Variants in SGO1 observed in about 807,000 individuals in gnomAD.
The protein encoded by SGO1 is serologically defined breast cancer antigen NY-BR-85.
Under a neutral mutation model 50.5 loss-of-function variants are expected in SGO1, and 39 were observed. The observed-to-expected ratio is 0.77, with a 90% CI of 0.60 to 1.01. SGO1 has a LOEUF of 1.01. Ranked by LOEUF, SGO1 falls within the 50% of genes least tolerant of loss-of-function variation. The probability of loss-of-function intolerance (pLI) is 0.00; values close to 1 mark genes in which losing one functional copy is unlikely to be tolerated. For synonymous variants in SGO1, 191 were observed against 205.1 expected (o/e 0.93, Z 0.59); for missense variants, 638 against 606.0 (o/e 1.05, Z -0.55).
downstream of SGO1, among the ~76,000 whole-genome samples, chr3:20,164,644 C>T (rs900777005): frequency 2.6e-5 from 4 of 151,756 alleles, no homozygotes; most frequent in Non-Finnish European, 5.9e-5. Flanking sequence ...TCTTTACGTG[C>T]AGACTTTAAT....
In SGO1 at chr3:20,184,463, G is replaced by T. The variant is rs549582333; in HGVS notation, c.-7-429C>A. Among the ~76,000 whole-genome samples, 6 of 152,220 alleles carry T rather than the reference G, an allele frequency of 3.9e-5. No homozygotes were observed. The South Asian group carries it at 1.2e-3, about 32-fold the overall frequency. ...TTAGTTCTGAGGCAATTATATATTT[G>T]GGTTTTGTTTTCCAGCTCTTCTCTA... is the stretch of plus-strand genomic sequence containing the variant. On this transcript the variant is annotated intron_variant, in intron 1 of 7. Coordinates refer to ENST00000412997, the MANE Select transcript of SGO1 (RefSeq NM_001199251.3).
intron 3 of SGO1, among the ~76,000 whole-genome samples, chr3:20,181,590 G>A (rs925845041): frequency 1.3e-5 from 2 of 152,204 alleles, no homozygotes; most frequent in East Asian, 3.8e-4. Flanking sequence ...TTGAGCTGCA[G>A]TAATAGAATT....
At position 20,171,120 on chromosome 3, in the gene SGO1, A is replaced by C. The variant is rs772628600; in HGVS notation, c.1395T>G (p.Asn465Lys). ...IRRLSLSPKK[N>K]KASPAVALPK... ...GCAGAGCCACTGCTGGGCTTGCTTTATTCTTTTTTGGAGAAAGAGAAAGTC... is the reference window on the plus strand; with the variant it reads ...GCAGAGCCACTGCTGGGCTTGCTTTCTTCTTTTTTGGAGAAAGAGAAAGTC... The change falls in exon 7 of 8, where the codon AAT becomes AAG. Residue 465 changes from asparagine (N) to lysine (K), a missense_variant. Physicochemically the swap from Asn to Lys is moderately conservative, Grantham distance 94. Coordinates refer to ENST00000412997, the MANE Select transcript of SGO1 (RefSeq NM_001199251.3). The C allele has an allele frequency of 6.2e-7, 1 of 1,613,494 alleles. No homozygotes were observed. The highest frequency in any genetic ancestry group is 8.5e-7 in the Non-Finnish European group (1 of 1,179,838).
At chr3:20,165,635 C>G (rs187702378), downstream of SGO1, among the ~76,000 whole-genome samples, 431 of 152,236 alleles carry the variant, frequency 2.8e-3, 1 homozygote, top group African/African-American at 9.8e-3. Flanking sequence ...TCAACAGGTG[C>G]AATTTGTTTC....
chr3:20,165,539 CTT>C, downstream of SGO1, among the ~76,000 whole-genome samples: 1 of 152,146 alleles, frequency 6.6e-6, no homozygotes, highest in East Asian at 1.9e-4. Flanking sequence ...ACATGTAAGA[CTT>C]ATAATTATTA....
downstream of SGO1, chr3:20,169,435 G>A (rs1454348635): frequency 2.0e-6 from 2 of 984,420 alleles, no homozygotes; most frequent in South Asian, 9.4e-5. Context: ...AGTGAAGACA[G>A]AGAGATACTC....
Position 20,171,047 on chromosome 3 carries a change from C to T in SGO1, c.1468G>A (p.Ala490Thr), listed in dbSNP as rs753308621. 1.2e-5 allele frequency: 19 copies of T among 1,580,860 alleles called. No individual in the cohort carries two copies. Among genetic ancestry groups the T allele is most frequent in the South Asian group, 4.7e-5 (4 of 85,266 alleles). Residue 490 changes from alanine to threonine, a missense_variant, in exon 7 of 8, where the codon GCT (alanine) becomes ACT (threonine). Coordinates refer to ENST00000412997, the MANE Select transcript of SGO1 (RefSeq NM_001199251.3). ...ASVNYKEPTL[A>T]SKLRRGDPFT... The stretch of plus-strand genomic sequence containing the variant: ...TCCCACAAACCAAATACTTACGAAG[C>T]GAGGGTGGGCTCCTTATAGTTCACG...
At chr3:20,174,179 G>T in intron 6 of SGO1, 70 bp downstream of exon 6, 1 of 1,179,130 alleles carries the variant, frequency 8.5e-7, no homozygotes, top group Non-Finnish European at 1.2e-6. Flanking sequence ...GGTAAGTATA[G>T]TATATAAGCA....
intron 8 of SGO1, among the ~76,000 whole-genome samples, chr3:20,162,187 C>A (rs1700073941): frequency 6.6e-6 from 1 of 152,158 alleles, no homozygotes; most frequent in South Asian, 2.1e-4. Flanking sequence ...CTAATCCATG[C>A]ATGTGTAGGA....
downstream of SGO1, among the ~76,000 whole-genome samples, chr3:20,166,201 G>T (rs1044649307): frequency 6.6e-6 from 1 of 152,056 alleles, no homozygotes; most frequent in Non-Finnish European, 1.5e-5. Flanking sequence ...GAGTAAAAAG[G>T]CAACCAACAG....
At chr3:20,161,155 A>C (rs755667806) in exon 9 of SGO1, 3 of 1,613,614 alleles carry the variant, frequency 1.9e-6, no homozygotes, top group Non-Finnish European at 2.5e-6. Flanking sequence ...CAGTCTGGGA[A>C]TCTCGAAACA....
At chr3:20,162,040 T>A (rs961882583) in intron 8 of SGO1, among the ~76,000 whole-genome samples, 13 of 152,186 alleles carry the variant, frequency 8.5e-5, no homozygotes, top group Admixed American at 6.5e-4. Flanking sequence ...CAGAGTCCAG[T>A]AATATCATTG....
At chr3:20,181,626 C>A (rs1702026712) in intron 3 of SGO1, among the ~76,000 whole-genome samples, 1 of 152,168 alleles carries the variant, frequency 6.6e-6, no homozygotes, top group African/African-American at 2.4e-5. Context: ...TTGTAATTAT[C>A]TCATTGAGTA....
At position 20,169,676 on chromosome 3, in the gene SGO1, C is replaced by T. The variant is rs1700522582; in HGVS notation, c.*1028G>A. On this transcript the variant is annotated 3_prime_UTR_variant, in exon 8 of 8. Transcript: ENST00000412997. ...CTGAGATTTCTGACTAAATAAGGAG[C>T]TACCCTGAAAGTACATGACATTTGT... 1 of 940,370 alleles carries T rather than the reference C, an allele frequency of 1.1e-6. No homozygotes were observed. Among genetic ancestry groups the T allele is most frequent in the African/African-American group, 1.8e-5 (1 of 56,154 alleles). The allele number at this position is 940,370 out of a possible 1,614,324, so 58.3% of individuals were successfully genotyped here.
In SGO1 at chr3:20,170,678, A is replaced by AGT; in HGVS notation, c.*25_*26insAC. The stretch of plus-strand genomic sequence containing the variant: ...AAGCAACAGAAAGAGGTGTAGATTG[A>AGT]ATTTAAACAATATCCAACAAAACCT... On this transcript the variant is annotated 3_prime_UTR_variant, in exon 8 of 8. Coordinates refer to ENST00000412997, the MANE Select transcript of SGO1 (RefSeq NM_001199251.3). 1 of 1,546,250 alleles carries AGT rather than the reference A, an allele frequency of 6.5e-7. No homozygotes were observed. Among genetic ancestry groups the AGT allele is most frequent in the South Asian group, 1.2e-5 (1 of 80,574 alleles).
chr3:20,162,567 A>G (rs966408728), intron 8 of SGO1, among the ~76,000 whole-genome samples: 5 of 152,310 alleles, frequency 3.3e-5, no homozygotes, highest in African/African-American at 1.2e-4. Flanking sequence ...ACAGTATCCA[A>G]TTTAAAAAGT....
intron 6 of SGO1, among the ~76,000 whole-genome samples, chr3:20,172,947 T>C (rs1278036001): frequency 3.3e-5 from 5 of 152,062 alleles, no homozygotes; most frequent in African/African-American, 4.8e-5. Flanking sequence ...GCCGAGGTGA[T>C]AGAGCAAGAC....
rs778182375 is a variant in SGO1 at position 20,183,848 on chromosome 3, T to TA, written c.142+37dup. ...ATTTATCAGTTATTAAATCTAAACT[T>TA]AAAAGTGATATAAAAGGACAACATA... On this transcript the variant is annotated intron_variant, in intron 2 of 7. Coordinates refer to ENST00000412997, the MANE Select transcript of SGO1 (RefSeq NM_001199251.3). 13 of 1,606,488 alleles carry TA rather than the reference T, an allele frequency of 8.1e-6. No homozygotes were observed. In the East Asian group the frequency reaches 2.5e-4, roughly 30 times the overall value.
chr3:20,175,624 G>A (rs994569820), intron 5 of SGO1, among the ~76,000 whole-genome samples: 2 of 101,294 alleles, frequency 2.0e-5, no homozygotes, highest in South Asian at 3.4e-4. Flanking sequence ...GTGAAACCCC[G>A]TCTCTACTAA....
Sources: allele counts gnomAD v4.1 joint callset (sites outside exome capture counted in the v4.1 genomes callset), GRCh38; gene constraint gnomAD v4.1.1; transcripts MANE v1.5; gene names NCBI Gene and HGNC (gene_info 2026-07-23, HGNC 2026-07-21).